The following SIK3 variants were observed in gnomAD, a reference collection of about 807,000 sequenced individuals.
SIK3 encodes the protein SIK family kinase 3, also known as serine/threonine-protein kinase SIK3.
SIK3 carries 28 observed loss-of-function variants against 144.2 expected under a neutral mutation model. The ratio of observed to expected loss-of-function variants is 0.19; its 90% confidence interval spans 0.14 to 0.27. The LOEUF (loss-of-function observed/expected upper bound fraction) is 0.27. Among genes scored for constraint, SIK3 ranks in the 10% least tolerant of loss-of-function variants. The pLI is 1.00. For synonymous variants in SIK3, 686 were observed against 676.3 expected, an observed-to-expected ratio of 1.01 and a Z score of -0.22; for missense variants, 1,319 against 1,776.0, an observed-to-expected ratio of 0.74 and a Z score of 4.62.
In SIK3 at chr11:116,897,214, A is replaced by C; in HGVS notation, c.720T>G (p.Asp240Glu). ...TTACCCAGATGTCCACTTTGGGCCCATCATATTCTTTTCCTTCAAAGAGTT... is the reference window on the plus strand; with the variant it reads ...TTACCCAGATGTCCACTTTGGGCCCCTCATATTCTTTTCCTTCAAAGAGTT... ...APELFEGKEY[D>E]GPKVDIWSLG... The change falls in exon 5 of 25, where the codon GAT becomes GAG. Residue 240 changes from aspartate to glutamate, a missense_variant. Asp to Glu is a conservative substitution (Grantham distance 45, BLOSUM62 2). Transcript: ENST00000445177. The C allele has an allele frequency of 6.2e-7, 1 of 1,614,068 alleles. No individual in the cohort carries two copies. Among genetic ancestry groups the C allele is most frequent in the Non-Finnish European group, 8.5e-7 (1 of 1,179,958 alleles).
At chr11:117,032,476 G>A (rs1591576021) in intron 1 of SIK3, among the ~76,000 whole-genome samples, 1 of 151,990 alleles carries the variant, frequency 6.6e-6, no homozygotes, top group Non-Finnish European at 1.5e-5. Context: ...ATATAAAAAT[G>A]CAATTGATTT....
At chr11:117,042,854 C>T (rs80143284) in intron 1 of SIK3, among the ~76,000 whole-genome samples, 1 of 152,120 alleles carries the variant, frequency 6.6e-6, no homozygotes, top group Non-Finnish European at 1.5e-5. Flanking sequence ...AAGTTGTTTA[C>T]TTAGTAGCCG....
intron 1 of SIK3, among the ~76,000 whole-genome samples, chr11:117,032,496 T>C (rs916322522): frequency 1.3e-5 from 2 of 152,162 alleles, no homozygotes; most frequent in Non-Finnish European, 2.9e-5. Context: ...TTTGTTTTTT[T>C]GTTTTTGTTT....
At chr11:117,007,857 G>A (rs1213613261) in intron 1 of SIK3, among the ~76,000 whole-genome samples, 1 of 152,108 alleles carries the variant, frequency 6.6e-6, no homozygotes, top group Admixed American at 6.6e-5. Flanking sequence ...GCTGAGGCGA[G>A]TAGATCACCT....
chr11:116,966,006 T>C (rs1316274198), intron 1 of SIK3, among the ~76,000 whole-genome samples: 1 of 150,316 alleles, frequency 6.7e-6, no homozygotes, highest in Non-Finnish European at 1.5e-5. Context: ...GGAAACACTC[T>C]GAATAGAGAG....
At chr11:116,988,132 C>A (rs1293833110) in intron 1 of SIK3, among the ~76,000 whole-genome samples, 1 of 152,180 alleles carries the variant, frequency 6.6e-6, no homozygotes, top group East Asian at 1.9e-4. Context: ...TGCAGTAACG[C>A]CTGTAATCTC....
chr11:117,097,262 C>A (rs1955516830), intron 1 of SIK3, among the ~76,000 whole-genome samples: 1 of 152,114 alleles, frequency 6.6e-6, no homozygotes, highest in African/African-American at 2.4e-5. Context: ...TGTAATCTCC[C>A]GGTGTCTGGG....
At chr11:116,995,080 C>T (rs1442099250) in intron 1 of SIK3, among the ~76,000 whole-genome samples, 59 of 151,800 alleles carry the variant, frequency 3.9e-4, no homozygotes, top group African/African-American at 1.4e-3. Flanking sequence ...CCAGCCTGGG[C>T]AACATAGTGA....
At chr11:117,049,673 T>C (rs1953137047) in intron 1 of SIK3, among the ~76,000 whole-genome samples, 1 of 152,080 alleles carries the variant, frequency 6.6e-6, no homozygotes, top group Non-Finnish European at 1.5e-5. Flanking sequence ...TTAAAATGGA[T>C]CAGTCTAGGT....
intron 4 of SIK3, among the ~76,000 whole-genome samples, chr11:116,921,065 C>CTCT (rs1197322192): frequency 6.6e-6 from 1 of 152,200 alleles, no homozygotes; most frequent in African/African-American, 2.4e-5. Flanking sequence ...CCTTCAACTG[C>CTCT]TCTTCTGTGG....
intron 3 of SIK3, among the ~76,000 whole-genome samples, chr11:116,941,643 G>A (rs572147362): frequency 2.0e-5 from 3 of 152,296 alleles, no homozygotes; most frequent in East Asian, 1.9e-4. Context: ...TTCCATACAT[G>A]TTGGCACCAT....
chr11:116,917,789 G>A (rs1946731438), intron 4 of SIK3, among the ~76,000 whole-genome samples: 1 of 127,494 alleles, frequency 7.8e-6, no homozygotes. Context: ...AGAAAGAAAA[G>A]GAGAGGACAA....
chr11:117,023,041 T>C (rs1052734499), intron 1 of SIK3, among the ~76,000 whole-genome samples: 20 of 152,302 alleles, frequency 1.3e-4, no homozygotes, highest in African/African-American at 4.8e-4. Context: ...GTTTAACCAT[T>C]GGCAGATTGT....
At chr11:117,034,205 A>T (rs1241881440) in intron 1 of SIK3, among the ~76,000 whole-genome samples, 1 of 152,234 alleles carries the variant, frequency 6.6e-6, no homozygotes, top group African/African-American at 2.4e-5. Flanking sequence ...TACATTCCAG[A>T]GGAAAAGCTT....
intron 6 of SIK3, among the ~76,000 whole-genome samples, chr11:116,877,979 G>A (rs1363332012): frequency 6.6e-6 from 1 of 152,130 alleles, no homozygotes; most frequent in East Asian, 1.9e-4. Flanking sequence ...CCAGGCACAG[G>A]GAGGTAAAGA....
At position 116,867,815 on chromosome 11, in the gene SIK3, G is replaced by T; in HGVS notation, c.1952+131C>A. ...ATTGCTTACTGCAAGGAGCTGAGAA[G>T]ATGTGAGTTCAGGATGACAGCTGGC... On this transcript the variant is annotated intron_variant, in intron 15 of 24. Coordinates refer to ENST00000445177, the MANE Select transcript of SIK3 (RefSeq NM_001366686.3). This position sits in a 1 kb window ranked among gnomAD's most constrained non-coding sequence, Gnocchi z 4.1. The T allele has an allele frequency of 1.1e-6, 1 of 927,996 alleles. No individual in the cohort carries two copies. The highest frequency in any genetic ancestry group is 1.6e-6 in the Non-Finnish European group (1 of 639,258). The allele number at this position is 927,996 out of a possible 1,614,324, so 57.5% of individuals were successfully genotyped here. A position where few individuals can be genotyped will look rare whatever the true frequency, so the allele number is the denominator to read the frequency against.
chr11:116,899,551 C>T (rs1945630932), intron 4 of SIK3, among the ~76,000 whole-genome samples: 1 of 152,120 alleles, frequency 6.6e-6, no homozygotes, highest in Non-Finnish European at 1.5e-5. Context: ...GAAGAATATG[C>T]AACTTATTTA....
intron 2 of SIK3, among the ~76,000 whole-genome samples, chr11:116,955,124 G>A (rs991084901): frequency 3.3e-5 from 5 of 151,220 alleles, no homozygotes; most frequent in Admixed American, 1.3e-4. Context: ...CCGGCCAGGC[G>A]CAGTGGCTCA....
At chr11:117,038,164 C>A (rs1338521334) in intron 1 of SIK3, among the ~76,000 whole-genome samples, 1 of 152,120 alleles carries the variant, frequency 6.6e-6, no homozygotes, top group Non-Finnish European at 1.5e-5. Flanking sequence ...TATAGAATGA[C>A]TGACCTGCCT....
Sources: gnomAD v4.1 joint callset for allele counts (sites outside exome capture counted in the v4.1 genomes callset) on GRCh38, gnomAD v4.1.1 for gene constraint, Gnocchi (gnomAD v3.1) non-coding constraint, MANE v1.5 for transcripts, NCBI Gene and HGNC (gene_info 2026-07-23, HGNC 2026-07-21) for gene names.